Variants in MED12L observed in about 807,000 individuals in gnomAD.
MED12L encodes the protein mediator of RNA polymerase II transcription subunit 12-like protein.
A neutral mutation model predicts 281.3 loss-of-function variants in MED12L; 60 were observed. The ratio of observed to expected loss-of-function variants is 0.21; its 90% CI spans 0.17 to 0.26. The LOEUF is 0.26. MED12L is among the 10% of genes least tolerant of loss of function. The pLI is 1.00. For missense variants in MED12L, 2,146 were observed against 2,680.9 expected, an observed-to-expected ratio of 0.80 and a Z score of 4.41; for synonymous variants, 974 against 987.2, an observed-to-expected ratio of 0.99 and a Z score of 0.25.
intron 2 of MED12L, among the ~76,000 whole-genome samples, chr3:151,102,818 C>T (rs572639624): frequency 1.3e-5 from 2 of 152,248 alleles, no homozygotes; most frequent in South Asian, 4.1e-4. Flanking sequence ...GGGAATCATT[C>T]TTTTGTCTCC....
chr3:151,412,325 G>A (rs6440740), intron 41 of MED12L, among the ~76,000 whole-genome samples: 39,439 of 152,114 alleles, frequency 0.26, 5,460 homozygotes, highest in South Asian at 0.39. Flanking sequence ...TTGTGTTTTC[G>A]TTATTCACTG....
chr3:151,205,296 G>C (rs1167527608), intron 16 of MED12L, among the ~76,000 whole-genome samples: 2 of 152,090 alleles, frequency 1.3e-5, no homozygotes, highest in East Asian at 3.8e-4. Flanking sequence ...TTTTGTTAAA[G>C]AAATAATCTA....
rs1292730042 is a variant in MED12L, at chr3:151,086,879, TGCTCCA to T, written c.-41_-36del. ...CTGCTCCCTGGTGCTCAGAGGCGGC[TGCTCCA>T]GCTCCAACTCTCATTCATTTCGCCG... On this transcript the variant is annotated 5_prime_UTR_variant, in exon 2 of 45. Coordinates refer to ENST00000687756, the MANE Select transcript of MED12L (RefSeq NM_001393769.1). 5.4e-6 allele frequency: 8 copies of T among 1,468,336 alleles called. No individual in the cohort carries two copies. The highest frequency in any genetic ancestry group is 6.5e-6 in the Non-Finnish European group (7 of 1,081,274). The allele number at this position is 1,468,336 out of a possible 1,614,324, so 91.0% of individuals were successfully genotyped here. A position where few individuals can be genotyped will look rare whatever the true frequency, so the allele number is the denominator to read the frequency against.
At chr3:151,391,013 G>A (rs1462841361) in intron 38 of MED12L, among the ~76,000 whole-genome samples, 1 of 152,090 alleles carries the variant, frequency 6.6e-6, no homozygotes, top group African/African-American at 2.4e-5. Context: ...TTGGTCATCT[G>A]TAAAATGAAT....
intron 39 of MED12L, among the ~76,000 whole-genome samples, chr3:151,407,296 C>G (rs546541844): frequency 6.6e-6 from 1 of 152,216 alleles, no homozygotes; most frequent in African/African-American, 2.4e-5. Context: ...CATCTGAATG[C>G]AGCTGTCACA....
intron 16 of MED12L, among the ~76,000 whole-genome samples, chr3:151,343,906 T>C (rs1275664640): frequency 6.6e-6 from 1 of 152,170 alleles, no homozygotes. Context: ...TTAGGCTGTT[T>C]TAGTTCCAGT....
chr3:151,202,763 A>G (rs1012014849), intron 16 of MED12L, among the ~76,000 whole-genome samples: 5 of 152,234 alleles, frequency 3.3e-5, no homozygotes, highest in African/African-American at 9.6e-5. Flanking sequence ...TAATGTTTGT[A>G]GAGGAAAGTC....
At chr3:151,308,969 T>G (rs992911587) in intron 16 of MED12L, among the ~76,000 whole-genome samples, 1 of 152,216 alleles carries the variant, frequency 6.6e-6, no homozygotes, top group South Asian at 2.1e-4. Flanking sequence ...AGTGAAGTCT[T>G]TAATATGAGT....
intron 3 of MED12L, 90 bp from the exon 4 acceptor site, chr3:151,122,693 A>G: frequency 1.1e-6 from 1 of 910,282 alleles, no homozygotes; most frequent in Admixed American, 3.5e-5. Flanking sequence ...GAAGATTTTC[A>G]ATTGAAACAA....
In MED12L at chr3:151,165,848, G is replaced by T. The variant is rs879057596; in HGVS notation, c.1360G>T (p.Val454Leu). 3 of 1,613,182 alleles carry T rather than the reference G, an allele frequency of 1.9e-6. No individual in the cohort carries two copies. The highest frequency in any genetic ancestry group is 2.5e-6 in the Non-Finnish European group (3 of 1,179,748). The change falls in exon 11 of 45, where the codon GTG (valine) becomes TTG (leucine). Residue 454 changes from valine to leucine, a missense_variant and splice_region_variant. Val to Leu is a conservative substitution (Grantham distance 32, BLOSUM62 1). Transcript: ENST00000687756. ...ACTTGTTTAATTTCTGCCTATAGGG[G>T]TGACTATTAGTCGGGTTTTGCACAC... Reference protein sequence around the residue: ...FDKCQESTAGVTISRVLHTLE... With the variant: ...FDKCQESTAGLTISRVLHTLE...
chr3:151,086,635 C>T (rs1719250330), intron 1 of MED12L, 163 bp from the exon 2 acceptor site: 1 of 284,198 alleles, frequency 3.5e-6, no homozygotes, highest in Non-Finnish European at 6.6e-6. Flanking sequence ...GCAGGCGCCG[C>T]GGAGGACCCT....
At chr3:151,185,916 A>G (rs1224636439) in intron 12 of MED12L, among the ~76,000 whole-genome samples, 2 of 152,174 alleles carry the variant, frequency 1.3e-5, no homozygotes, top group South Asian at 2.1e-4. Flanking sequence ...TTTCTTTGCT[A>G]TATTGAAATA....
At chr3:151,337,966 C>T in intron 16 of MED12L, 1 of 1,614,042 alleles carries the variant, frequency 6.2e-7, no homozygotes, top group Non-Finnish European at 8.5e-7. Flanking sequence ...ATGAACGGAT[C>T]CAGGCATGCA....
intron 17 of MED12L, among the ~76,000 whole-genome samples, chr3:151,352,322 C>T (rs1014649051): frequency 6.6e-6 from 1 of 152,096 alleles, no homozygotes; most frequent in Non-Finnish European, 1.5e-5. Context: ...GATCCTCAAC[C>T]TTTTTCAGTA....
chr3:151,210,386 G>A (rs765700203), intron 16 of MED12L, among the ~76,000 whole-genome samples: 1 of 152,220 alleles, frequency 6.6e-6, no homozygotes, highest in Admixed American at 6.5e-5. Context: ...GATGACCAAC[G>A]AATGAGCACT....
At chr3:151,141,190 T>TTTTTTTTTTTTGTTTTTTTGTTTTTTTG (rs1716962660) in intron 5 of MED12L, among the ~76,000 whole-genome samples, 1 of 135,108 alleles carries the variant, frequency 7.4e-6, no homozygotes, top group African/African-American at 2.9e-5. Context: ...TTTTTTTGTT[T>TTTTTTTTTTTTGTTTTTTTGTTTTTTTG]TTTTTTTTTT....
chr3:151,373,571 T>TC (rs1327588814), intron 27 of MED12L, among the ~76,000 whole-genome samples: 18 of 151,906 alleles, frequency 1.2e-4, no homozygotes, highest in South Asian at 1.0e-3. Flanking sequence ...TTTTTTTTTT[T>TC]CCCCAACTTC....
rs915500861 is a variant in MED12L at position 151,404,927 on chromosome 3, T to G, written c.5821-4316T>G. 2.6e-5 allele frequency among the ~76,000 whole-genome samples: 4 copies of G among 152,328 alleles called. 1 individual carries two copies. In the South Asian group the frequency reaches 8.3e-4, roughly 32 times the overall value. ...TTTCTCATTTGATTGAGGGTGTAGT[T>G]GCTAATACAGATCAGATTAAGACAC... On this transcript the variant is annotated intron_variant, in intron 39 of 44. Coordinates refer to ENST00000687756, the MANE Select transcript of MED12L (RefSeq NM_001393769.1).
intron 20 of MED12L, among the ~76,000 whole-genome samples, chr3:151,359,783 G>A (rs140560579): frequency 1.3e-5 from 2 of 152,226 alleles, no homozygotes; most frequent in Non-Finnish European, 2.9e-5. Flanking sequence ...AGATGGTGAT[G>A]GAATCAGATG....
Sources: gnomAD v4.1 joint callset for allele counts (sites outside exome capture counted in the v4.1 genomes callset) on GRCh38, gnomAD v4.1.1 for gene constraint, MANE v1.5 for transcripts, NCBI Gene and HGNC (gene_info 2026-07-23, HGNC 2026-07-21) for gene names.